KIF3B: variants seen among roughly 807,000 people sequenced by gnomAD.
KIF3B encodes the protein kinesin-like protein KIF3B.
KIF3B carries 38 observed loss-of-function variants against 74.3 expected under a neutral mutation model. That is an observed-to-expected ratio of 0.51 (90% CI 0.39 to 0.67). The LOEUF (loss-of-function observed/expected upper bound fraction) is 0.67, where lower values mean the gene tolerates loss of function less well. KIF3B is among the 30% of genes least tolerant of loss of function. The pLI is 0.00. For missense variants in KIF3B, 649 were observed against 932.0 expected (o/e 0.70, Z 3.95); for synonymous variants, 326 against 342.5 (o/e 0.95, Z 0.53).
At chr20:32,303,396 C>G (rs1351383369) in intron 1 of KIF3B, among the ~76,000 whole-genome samples, 1 of 150,802 alleles carries the variant, frequency 6.6e-6, no homozygotes, top group Non-Finnish European at 1.5e-5. Flanking sequence ...GAAACCCCAT[C>G]TCTACTAAAA....
At chr20:32,330,597 C>T (rs756517322) in intron 8 of KIF3B, among the ~76,000 whole-genome samples, 14 of 152,090 alleles carry the variant, frequency 9.2e-5, no homozygotes, top group African/African-American at 2.9e-4. Context: ...ATGAGGTGTC[C>T]GGTAGTTCTA....
At chr20:32,321,406 G>C (rs919460266) in intron 5 of KIF3B, among the ~76,000 whole-genome samples, 1 of 149,722 alleles carries the variant, frequency 6.7e-6, no homozygotes, top group African/African-American at 2.5e-5. Context: ...TCCAGCCTGG[G>C]CAACAGAGCA....
intron 5 of KIF3B, among the ~76,000 whole-genome samples, chr20:32,318,956 C>T (rs2047842487): frequency 6.6e-6 from 1 of 151,456 alleles, no homozygotes; most frequent in Admixed American, 6.6e-5. Flanking sequence ...AATTTCTCCA[C>T]ATCTTCTTTT....
chr20:32,330,318 A>G lies in KIF3B; in HGVS notation c.2146A>G (p.Arg716Gly), dbSNP rs769489901. 6.2e-7 allele frequency: 1 copy of G among 1,613,484 alleles called. No homozygotes were observed. The highest frequency in any genetic ancestry group is 8.5e-7 in the Non-Finnish European group (1 of 1,179,680). Residue 716 changes from arginine to glycine, a missense_variant and splice_region_variant, in exon 8 of 9, where the codon AGG becomes GGG. Arg to Gly is a moderately radical substitution (Grantham distance 125). This residue lies in a region of KIF3B where 186 missense variants were observed against 198.5 expected (regional missense o/e 0.94). Transcript: ENST00000375712. ...CACTGCAAATAAGAAATCCAAGGCC[A>G]GGTGAGTGGCTTTGATGACGTGTGT... is the stretch of plus-strand genomic sequence containing the variant. ...ESTANKKSKA[R>G]PKSGRKSGSS... is the part of the protein sequence containing the mutation.
In KIF3B at chr20:32,319,562, T is replaced by TG. The variant is rs71336572; in HGVS notation, c.1748+2688_1748+2689insG. Among the ~76,000 whole-genome samples, 23 of 67,704 alleles carry TG rather than the reference T, an allele frequency of 3.4e-4. No individual in the cohort carries two copies. In the East Asian group the frequency reaches 0.026, roughly 77 times the overall value. 44.4% of individuals were successfully genotyped at this position (67,704 alleles called of 152,430 possible). A position where few individuals can be genotyped will look rare whatever the true frequency, so the allele number is the denominator to read the frequency against. ...CACACACATATGTGTATATATATAG[T>TG]TTTTTTTTGTTTTGTTTTTGTTTTT... is the stretch of plus-strand genomic sequence containing the variant. On this transcript the variant is annotated intron_variant, in intron 5 of 8. Coordinates refer to ENST00000375712, the MANE Select transcript of KIF3B (RefSeq NM_004798.4).
In KIF3B at chr20:32,330,301, A is replaced by G; in HGVS notation, c.2129A>G (p.Asn710Ser). 9 of 1,614,092 alleles carry G rather than the reference A, an allele frequency of 5.6e-6. No homozygotes were observed. The highest frequency in any genetic ancestry group is 6.8e-6 in the Non-Finnish European group (8 of 1,179,982). The change falls in exon 8 of 9, where the codon AAT (asparagine) becomes AGT (serine). Residue 710 changes from asparagine (N) to serine (S), a missense_variant. This residue lies in a region of KIF3B where 186 missense variants were observed against 198.5 expected (regional missense o/e 0.94). Transcript: ENST00000375712. ...GCATCATCATTTGAAAGCACTGCAA[A>G]TAAGAAATCCAAGGCCAGGTGAGTG... ...VDASSFESTA[N>S]KKSKARPKSG...
intron 1 of KIF3B, among the ~76,000 whole-genome samples, chr20:32,281,435 C>G (rs1569185080): frequency 6.6e-6 from 1 of 152,210 alleles, no homozygotes; most frequent in Non-Finnish European, 1.5e-5. Context: ...TAGAAAGGTA[C>G]AGAGTCCCTT....
intron 1 of KIF3B, among the ~76,000 whole-genome samples, chr20:32,278,094 G>A (rs2047625153): frequency 6.6e-6 from 1 of 152,208 alleles, no homozygotes; most frequent in African/African-American, 2.4e-5. Context: ...TGGGCTTGCT[G>A]TGTGACCTTG....
chr20:32,280,037 G>T (rs1347726484), intron 1 of KIF3B, among the ~76,000 whole-genome samples: 1 of 152,174 alleles, frequency 6.6e-6, no homozygotes, highest in African/African-American at 2.4e-5. Flanking sequence ...CTGTGAGGAA[G>T]AATTATTCAT....
chr20:32,299,339 A>G (rs2047730401), intron 1 of KIF3B, among the ~76,000 whole-genome samples: 1 of 133,920 alleles, frequency 7.5e-6, no homozygotes, highest in Non-Finnish European at 1.5e-5. Flanking sequence ...CTCTGCTCTA[A>G]TTTATTCCTT....
chr20:32,295,077 A>G (rs2047710445), intron 1 of KIF3B, among the ~76,000 whole-genome samples: 2 of 152,156 alleles, frequency 1.3e-5, no homozygotes, highest in African/African-American at 4.8e-5. Context: ...TAGTTACTCA[A>G]TTATGTCCTT....
chr20:32,298,818 C>T (rs531981921), intron 1 of KIF3B, among the ~76,000 whole-genome samples: 23 of 152,178 alleles, frequency 1.5e-4, no homozygotes, highest in African/African-American at 4.3e-4. Flanking sequence ...GGCCACCACA[C>T]TGGGCTAATT....
Position 32,290,554 on chromosome 20 carries a change from G to A in KIF3B, c.-66+12789G>A, listed in dbSNP as rs114653214. 7.0e-3 allele frequency among the ~76,000 whole-genome samples: 1,066 copies of A among 152,100 alleles called. 12 individuals are homozygous for A. The highest frequency in any genetic ancestry group is 0.023 in the African/African-American group (973 of 41,478). On this transcript the variant is annotated intron_variant, in intron 1 of 8. Transcript: ENST00000375712. ...AGAGGTAGAAGCAGCCCAAATGTCC[G>A]TTAACAGATAAATGGATAAAGAATA...
intron 1 of KIF3B, among the ~76,000 whole-genome samples, chr20:32,292,815 C>G (rs961684305): frequency 6.6e-6 from 1 of 152,040 alleles, no homozygotes; most frequent in Non-Finnish European, 1.5e-5. Flanking sequence ...ATGTGTACAA[C>G]AGTCCTACCT....
intron 1 of KIF3B, among the ~76,000 whole-genome samples, chr20:32,306,901 CTCTT>C (rs1284014859): frequency 6.6e-6 from 1 of 152,060 alleles, no homozygotes; most frequent in African/African-American, 2.4e-5. Context: ...CCTTTCCTCT[CTCTT>C]TAGGCTTCTG....
chr20:32,286,913 A>G (rs189488884), intron 1 of KIF3B, among the ~76,000 whole-genome samples: 2 of 152,330 alleles, frequency 1.3e-5, no homozygotes, highest in Admixed American at 1.3e-4. Context: ...AAAATTTTAA[A>G]TTACAAAGGC....
intron 4 of KIF3B, 37 bp downstream of exon 4, chr20:32,316,686 G>T: frequency 6.2e-7 from 1 of 1,614,020 alleles, no homozygotes; most frequent in Non-Finnish European, 8.5e-7. Flanking sequence ...GTTGCCTTGA[G>T]ACTTGGGGAA....
chr20:32,299,973 C>G (rs374561775), intron 1 of KIF3B, among the ~76,000 whole-genome samples: 2 of 151,284 alleles, frequency 1.3e-5, no homozygotes, highest in Admixed American at 1.3e-4. Context: ...GATGGGGTCT[C>G]CTTCTGTTCC....
chr20:32,301,093 T>G (rs1181158559), intron 1 of KIF3B, among the ~76,000 whole-genome samples: 1 of 144,380 alleles, frequency 6.9e-6, no homozygotes, highest in Admixed American at 6.9e-5. Flanking sequence ...GTCTTTTTTT[T>G]TTTTTTTTTT....
Sources: allele counts gnomAD v4.1 joint callset (sites outside exome capture counted in the v4.1 genomes callset), GRCh38; gene constraint gnomAD v4.1.1; regional missense constraint gnomAD v4.1.1; transcripts MANE v1.5; gene names NCBI Gene and HGNC (gene_info 2026-07-23, HGNC 2026-07-21).